PHKB: variants seen among roughly 807,000 people sequenced by gnomAD.
PHKB encodes the protein phosphorylase b kinase regulatory subunit beta.
In PHKB, 122 loss-of-function variants were observed where a neutral mutation model predicts 152.1. That is an observed-to-expected ratio of 0.80 (90% CI 0.69 to 0.93). The LOEUF is 0.93. Among genes scored for constraint, PHKB ranks in the 40% least tolerant of loss-of-function variants. PHKB has a pLI of 0.00. For missense variants in PHKB, 1,304 were observed against 1,328.4 expected (o/e 0.98, Z 0.29); for synonymous variants, 436 against 464.9 (o/e 0.94, Z 0.80).
chr16:47,547,970 A>T (rs1289306667), intron 7 of PHKB: 4 of 240,636 alleles, frequency 1.7e-5, no homozygotes, highest in East Asian at 1.2e-4. Context: ...TTTTATCCTG[A>T]CCACGGATGC....
At chr16:47,587,874 G>A in intron 9 of PHKB, 111 bp downstream of exon 9, 1 of 845,072 alleles carries the variant, frequency 1.2e-6, no homozygotes, top group Non-Finnish European at 1.9e-6. Context: ...TCGTCCAGAA[G>A]GGATAAGAGG....
intron 16 of PHKB, 34 bp from the exon 17 acceptor site, chr16:47,648,499 A>T: frequency 7.3e-7 from 1 of 1,375,052 alleles, no homozygotes; most frequent in Non-Finnish European, 1.0e-6. Flanking sequence ...ATGGATTCTT[A>T]CCTGACTCTA....
chr16:47,634,719 ATAGTTGG>A (rs1190178103), intron 14 of PHKB, among the ~76,000 whole-genome samples: 1 of 152,166 alleles, frequency 6.6e-6, no homozygotes, highest in Non-Finnish European at 1.5e-5. Context: ...TGATGGGAAT[ATAGTTGG>A]TATGTTCAAG....
intron 1 of PHKB, among the ~76,000 whole-genome samples, chr16:47,476,651 T>G (rs2151631337): frequency 6.6e-6 from 1 of 152,364 alleles, no homozygotes; most frequent in Admixed American, 6.5e-5. Flanking sequence ...TAAGTCCTTC[T>G]TAGTTTTTTA....
chr16:47,470,338 A>C (rs953843207), intron 1 of PHKB, among the ~76,000 whole-genome samples: 1 of 152,238 alleles, frequency 6.6e-6, no homozygotes. Context: ...AGTTAACTGC[A>C]GCAGGAGCAT....
At chr16:47,512,625 A>G (rs940138987) in intron 5 of PHKB, among the ~76,000 whole-genome samples, 4 of 152,148 alleles carry the variant, frequency 2.6e-5, no homozygotes, top group African/African-American at 9.7e-5. Flanking sequence ...TAATATATTA[A>G]ATTTTATACC....
rs188525681 is a variant in PHKB at position 47,598,833 on chromosome 16, A to T, written c.1363+2302A>T. On this transcript the variant is annotated intron_variant, in intron 13 of 30. Coordinates refer to ENST00000323584, the MANE Select transcript of PHKB (RefSeq NM_000293.3). ...TAACATCTGGTTCCGCTTTAACCAT[A>T]GCCAGCTTCTCATTTGTAATCTGTT... 3,413 of 1,605,204 alleles carry T rather than the reference A, an allele frequency of 2.1e-3. 111 individuals are homozygous for T. The Admixed American group carries it at 0.054, about 25-fold the overall frequency.
At chr16:47,553,750 G>A (rs996442537) in intron 7 of PHKB, among the ~76,000 whole-genome samples, 8 of 152,170 alleles carry the variant, frequency 5.3e-5, no homozygotes, top group African/African-American at 1.7e-4. Flanking sequence ...AGATATTGAT[G>A]CTATTCCTTT....
intron 7 of PHKB, among the ~76,000 whole-genome samples, chr16:47,574,252 G>T (rs544522114): frequency 6.6e-6 from 1 of 152,144 alleles, no homozygotes; most frequent in Non-Finnish European, 1.5e-5. Flanking sequence ...CAGCACCAGT[G>T]CTTGGTAGGG....
At position 47,663,574 on chromosome 16, in the gene PHKB, A is replaced by C. The variant is rs1017447977; in HGVS notation, c.2279-103A>C. 4.6e-6 allele frequency: 4 copies of C among 878,492 alleles called. No individual in the cohort carries two copies. In the African/African-American group the frequency reaches 6.6e-5, roughly 15 times the overall value. The allele number at this position is 878,492 out of a possible 1,614,324, so 54.4% of individuals were successfully genotyped here. A position where few individuals can be genotyped will look rare whatever the true frequency, so the allele number is the denominator to read the frequency against. Reference sequence around the variant, plus strand: ...AGAACATTAATGGATCGATGTATCAACTCTAGTGAAGCACAGTGAAAATGA... The same window carrying C: ...AGAACATTAATGGATCGATGTATCACCTCTAGTGAAGCACAGTGAAAATGA... On this transcript the variant is annotated intron_variant, in intron 23 of 30. Transcript: ENST00000323584.
At chr16:47,567,703 GGT>G (rs1971593291) in intron 7 of PHKB, among the ~76,000 whole-genome samples, 1 of 152,056 alleles carries the variant, frequency 6.6e-6, no homozygotes. Flanking sequence ...GTAATTTTAA[GGT>G]ATATTTCTTC....
intron 26 of PHKB, among the ~76,000 whole-genome samples, chr16:47,678,136 A>T (rs1450751807): frequency 6.6e-6 from 1 of 151,900 alleles, no homozygotes; most frequent in African/African-American, 2.4e-5. Flanking sequence ...TCCATGGTGT[A>T]TATGTGCCAC....
chr16:47,530,254 G>A (rs532212998), intron 6 of PHKB, among the ~76,000 whole-genome samples: 16 of 150,416 alleles, frequency 1.1e-4, no homozygotes, highest in Admixed American at 8.7e-4. Context: ...TCATGTCTCA[G>A]CCACCTAAGT....
rs201360702 is a variant in PHKB at position 47,660,818 on chromosome 16, A to G, written c.2195A>G (p.Asn732Ser). 538 of 1,613,906 alleles carry G rather than the reference A, an allele frequency of 3.3e-4. No homozygotes were observed. The highest frequency in any genetic ancestry group is 4.0e-4 in the Non-Finnish European group (474 of 1,179,838). ...ACCCACGAAATTCTTCAAAAACTGA[A>G]TGTGAGACAGATGCACTTCCCACAT... ...KPTHEILQKL[N>S]DCSCLASQAI... Residue 732 changes from asparagine to serine, a missense_variant and splice_region_variant, in exon 22 of 31, where the codon AAT becomes AGT. Coordinates refer to ENST00000323584, the MANE Select transcript of PHKB (RefSeq NM_000293.3).
chr16:47,464,575 A>G (rs1969634601), intron 1 of PHKB, among the ~76,000 whole-genome samples: 1 of 152,134 alleles, frequency 6.6e-6, no homozygotes, highest in Non-Finnish European at 1.5e-5. Flanking sequence ...GATGAAAGCT[A>G]TGGAATTGCT....
At chr16:47,504,068 C>T (rs1362250362) in intron 4 of PHKB, among the ~76,000 whole-genome samples, 1 of 152,124 alleles carries the variant, frequency 6.6e-6, no homozygotes, top group Non-Finnish European at 1.5e-5. Context: ...GGAGGACTCA[C>T]ATGACTCATC....
chr16:47,637,469 A>G (rs1044164563), intron 14 of PHKB, among the ~76,000 whole-genome samples: 1 of 152,176 alleles, frequency 6.6e-6, no homozygotes, highest in Non-Finnish European at 1.5e-5. Context: ...AGGTGTGGGC[A>G]ATATTCAGGT....
At chr16:47,685,663 T>G (rs544608069) in intron 26 of PHKB, among the ~76,000 whole-genome samples, 24 of 152,188 alleles carry the variant, frequency 1.6e-4, no homozygotes, top group Non-Finnish European at 3.5e-4. Flanking sequence ...TGTTTTGCTG[T>G]TTTTATTTGA....
intron 6 of PHKB, among the ~76,000 whole-genome samples, chr16:47,529,017 A>G (rs892279076): frequency 6.6e-6 from 1 of 152,106 alleles, no homozygotes; most frequent in East Asian, 1.9e-4. Flanking sequence ...TACACAAAAA[A>G]TGCTGGGGAT....
Sources: allele counts gnomAD v4.1 joint callset (sites outside exome capture counted in the v4.1 genomes callset), GRCh38; gene constraint gnomAD v4.1.1; transcripts MANE v1.5; gene names NCBI Gene and HGNC (gene_info 2026-07-23, HGNC 2026-07-21).